ATP13A4: variants seen among roughly 807,000 people sequenced by gnomAD.
ATP13A4 encodes probable cation-transporting ATPase 13A4.
In ATP13A4, 114 loss-of-function variants were observed where a neutral mutation model predicts 142.5. The observed-to-expected ratio is 0.80, with a 90% CI of 0.69 to 0.93. ATP13A4 has a LOEUF of 0.93. Among genes scored for constraint, ATP13A4 ranks in the 40% least tolerant of loss-of-function variants. The pLI, the probability that ATP13A4 is intolerant of heterozygous loss-of-function variation, is 0.00. For synonymous variants in ATP13A4, 488 were observed against 514.8 expected (o/e 0.95, Z 0.70); for missense variants, 1,392 against 1,454.0 (o/e 0.96, Z 0.69).
chr3:193,420,136 TA>T (rs773734898), intron 25 of ATP13A4, among the ~76,000 whole-genome samples: 1 of 150,012 alleles, frequency 6.7e-6, no homozygotes, highest in Non-Finnish European at 1.5e-5. Flanking sequence ...ACAGCCTCTC[TA>T]AGGTCTCCCT....
intron 25 of ATP13A4, among the ~76,000 whole-genome samples, chr3:193,420,902 A>G (rs371618160): frequency 2.0e-5 from 3 of 149,826 alleles, no homozygotes; most frequent in East Asian, 2.1e-4. Context: ...AACAAAGACA[A>G]GCCATAGGAC....
At chr3:193,416,067 TTTG>T (rs1318540783) in intron 25 of ATP13A4, among the ~76,000 whole-genome samples, 1 of 152,204 alleles carries the variant, frequency 6.6e-6, no homozygotes, top group East Asian at 1.9e-4. Context: ...TGTTTGTTTG[TTTG>T]TTTTTTCACT....
intron 2 of ATP13A4, among the ~76,000 whole-genome samples, chr3:193,576,409 C>A (rs903613149): frequency 8.7e-5 from 13 of 149,764 alleles, no homozygotes; most frequent in Non-Finnish European, 1.8e-4. Flanking sequence ...GTAGCTGGGA[C>A]TACAGGCGCC....
intron 2 of ATP13A4, among the ~76,000 whole-genome samples, chr3:193,563,512 G>A (rs1199880299): frequency 6.6e-6 from 1 of 152,154 alleles, no homozygotes; most frequent in African/African-American, 2.4e-5. Flanking sequence ...ATCCACTTTA[G>A]CCAGGTGAGG....
upstream of ATP13A4, among the ~76,000 whole-genome samples, chr3:193,556,585 C>A (rs1352799415): frequency 6.6e-6 from 1 of 151,690 alleles, no homozygotes; most frequent in Non-Finnish European, 1.5e-5. Context: ...ATAAAATTAA[C>A]ATTTTATCAC....
rs896516547 is a variant in ATP13A4, at chr3:193,465,114, C to T, written c.1287G>A (p.Glu429=). 1.2e-6 allele frequency: 2 copies of T among 1,613,872 alleles called. No individual in the cohort carries two copies. The highest frequency in any genetic ancestry group is 8.5e-7 in the Non-Finnish European group (1 of 1,179,978). Residue 429 remains glutamate (E), a synonymous_variant, in exon 12 of 30, where the codon GAG becomes GAA. Transcript: ENST00000342695. ...VYVLSGEPPE[E]VVRKALDVIT... is the part of the protein sequence containing the mutation. ...TGACGTCAAGGGCTTTCCTCACCAC[C>T]TCCTCTGGAGGTTCCTGGACGACAG...
chr3:193,461,872 G>T lies in ATP13A4; in HGVS notation c.1523+890C>A, dbSNP rs187931476. 2.4e-3 allele frequency among the ~76,000 whole-genome samples: 358 copies of T among 152,262 alleles called. 1 individual carries two copies. Among genetic ancestry groups the T allele is most frequent in the African/African-American group, 8.3e-3 (345 of 41,548 alleles). The stretch of plus-strand genomic sequence containing the variant: ...CAAGAGGGCCACAGGAGAGGACTGT[G>T]CAAATCTTTACCACACCATGCTGAG... On this transcript the variant is annotated intron_variant, in intron 13 of 29. Transcript: ENST00000342695.
At chr3:193,435,563 T>C in intron 24 of ATP13A4, 85 bp downstream of exon 24, 1 of 1,087,836 alleles carries the variant, frequency 9.2e-7, no homozygotes, top group South Asian at 1.2e-5. Context: ...ATTTGTACTC[T>C]TTCTTTGAGA....
At chr3:193,434,630 G>T (rs1716161266) in intron 24 of ATP13A4, among the ~76,000 whole-genome samples, 1 of 152,108 alleles carries the variant, frequency 6.6e-6, no homozygotes, top group African/African-American at 2.4e-5. Context: ...GAGAGCAATA[G>T]AACTAAAATC....
rs1576925868 is a variant in ATP13A4, at chr3:193,402,301, CCTCAA to C, written c.*346_*350del. ...CGTGAGTATACACAGTACTACTTCC[CCTCAA>C]CTCATTTTTATAAAAAGGAAAGTAT... On this transcript the variant is annotated 3_prime_UTR_variant, in exon 30 of 30. Transcript: ENST00000342695. 2 of 273,936 alleles carry C rather than the reference CCTCAA, an allele frequency of 7.3e-6. No individual in the cohort carries two copies. Among genetic ancestry groups the C allele is most frequent in the East Asian group, 1.8e-4 (2 of 10,978 alleles). The allele number at this position is 273,936 out of a possible 1,614,324, so 17.0% of individuals were successfully genotyped here.
At chr3:193,543,039 A>G (rs1411218432) in intron 1 of ATP13A4, among the ~76,000 whole-genome samples, 3 of 151,950 alleles carry the variant, frequency 2.0e-5, no homozygotes, top group East Asian at 3.9e-4. Flanking sequence ...GTGGTGGTGG[A>G]TGCCTGTAGT....
intron 1 of ATP13A4, among the ~76,000 whole-genome samples, chr3:193,587,040 T>G (rs540873161): frequency 2.6e-5 from 4 of 152,228 alleles, no homozygotes; most frequent in Non-Finnish European, 5.9e-5. Flanking sequence ...GTTGAGCTTT[T>G]GCACATCTTT....
Position 193,465,073 on chromosome 3 carries a change from G to A in ATP13A4, c.1328C>T (p.Pro443Leu). 1 of 1,614,118 alleles carries A rather than the reference G, an allele frequency of 6.2e-7. No homozygotes were observed. Among genetic ancestry groups the A allele is most frequent in the Non-Finnish European group, 8.5e-7 (1 of 1,180,014 alleles). The change falls in exon 12 of 30, where the codon CCT becomes CTT. Residue 443 changes from proline (P) to leucine (L), a missense_variant. Pro to Leu is a moderately conservative substitution (Grantham distance 98). Transcript: ENST00000342695. ...GGTCAGAGCAGCAGGTAGAGCCGGA[G>A]GAACCGCAATTGTGATGACGTCAAG... ...KALDVITIAV[P>L]PALPAALTTG...
intron 1 of ATP13A4, among the ~76,000 whole-genome samples, chr3:193,588,660 AT>A (rs1408240235): frequency 6.6e-6 from 1 of 151,946 alleles, no homozygotes; most frequent in Admixed American, 6.6e-5. Context: ...TTTCTCCAGG[AT>A]TATCTTTTTT....
chr3:193,434,194 T>C (rs1716132514), intron 24 of ATP13A4, among the ~76,000 whole-genome samples: 1 of 152,130 alleles, frequency 6.6e-6, no homozygotes, highest in East Asian at 1.9e-4. Context: ...GAGGACATCT[T>C]CCCCTACCAG....
At chr3:193,462,913 G>A in intron 12 of ATP13A4, 90 bp from the exon 13 acceptor site, 2 of 1,304,368 alleles carry the variant, frequency 1.5e-6, no homozygotes, top group Non-Finnish European at 2.2e-6. Flanking sequence ...GGGAGGCGGA[G>A]GCAAGAGGAT....
At chr3:193,449,340 C>T (rs1217728953) in intron 17 of ATP13A4, among the ~76,000 whole-genome samples, 1 of 152,222 alleles carries the variant, frequency 6.6e-6, no homozygotes, top group Non-Finnish European at 1.5e-5. Flanking sequence ...CACTGCCTAA[C>T]TCTGGCTGAA....
intron 3 of ATP13A4, among the ~76,000 whole-genome samples, chr3:193,493,697 C>T (rs754939619): frequency 7.2e-5 from 11 of 151,938 alleles, no homozygotes; most frequent in Non-Finnish European, 1.5e-4. Context: ...CAAGTGAGCA[C>T]GCCTGTTTGT....
In ATP13A4 at chr3:193,561,909, T is replaced by C. The variant is rs80329877; in HGVS notation, n.291+19798A>G. Reference sequence around the variant, plus strand: ...ACCCCTATGAAACACGCAACCGGACTACCTATGTCTACCATGGGATCATCA... The same window carrying C: ...ACCCCTATGAAACACGCAACCGGACCACCTATGTCTACCATGGGATCATCA... On this transcript the variant is annotated intron_variant and non_coding_transcript_variant, in intron 2 of 3. Coordinates refer to the ATP13A4 transcript ENST00000489140. Among the ~76,000 whole-genome samples the C allele has an allele frequency of 5.7e-3, 867 of 152,334 alleles. 11 individuals carry two copies. The highest frequency in any genetic ancestry group is 0.02 in the African/African-American group (811 of 41,576).
Sources: allele counts gnomAD v4.1 joint callset (sites outside exome capture counted in the v4.1 genomes callset), GRCh38; gene constraint gnomAD v4.1.1; transcripts MANE v1.5; gene names NCBI Gene and HGNC (gene_info 2026-07-23, HGNC 2026-07-21).